The following PTK2 variants were observed in gnomAD, a reference collection of about 807,000 sequenced individuals.
PTK2 encodes the protein focal adhesion kinase 1.
PTK2 carries 45 observed loss-of-function variants against 150.1 expected under a neutral mutation model. The ratio of observed to expected loss-of-function variants is 0.30; its 90% CI spans 0.24 to 0.38. The LOEUF (loss-of-function observed/expected upper bound fraction) is 0.38, where lower values mean the gene tolerates loss of function less well. Among genes scored for constraint, PTK2 ranks in the 10% least tolerant of loss-of-function variants. The probability of loss-of-function intolerance (pLI) is 1.00; values close to 1 mark genes in which losing one functional copy is unlikely to be tolerated. For synonymous variants in PTK2, 432 were observed against 449.2 expected (o/e 0.96, Z 0.48); for missense variants, 919 against 1,307.3 (o/e 0.70, Z 4.58).
chr8:140,921,984 C>T (rs12678285), intron 2 of PTK2, among the ~76,000 whole-genome samples: 25,440 of 152,142 alleles, frequency 0.17, 2,519 homozygotes, highest in East Asian at 0.46. Flanking sequence ...CACACTGAGA[C>T]TCTACAGTTC....
chr8:140,930,989 T>C (rs2100171485), intron 1 of PTK2, among the ~76,000 whole-genome samples: 1 of 148,990 alleles, frequency 6.7e-6, no homozygotes, highest in South Asian at 2.1e-4. Context: ...CACAATTGCT[T>C]GAACCCAGAA....
At chr8:140,797,765 T>C (rs907636363) in intron 12 of PTK2, among the ~76,000 whole-genome samples, 8 of 152,176 alleles carry the variant, frequency 5.3e-5, no homozygotes. Flanking sequence ...TCCAGGACAA[T>C]TTGGCTTGTG....
intron 22 of PTK2, among the ~76,000 whole-genome samples, chr8:140,719,830 G>A (rs1215980080): frequency 7.0e-6 from 1 of 142,176 alleles, no homozygotes; most frequent in East Asian, 2.2e-4. Context: ...AGGCTGCAGT[G>A]AGCCAAGATA....
chr8:140,951,743 G>A (rs1464025242), intron 1 of PTK2, among the ~76,000 whole-genome samples: 3 of 151,948 alleles, frequency 2.0e-5, no homozygotes, highest in African/African-American at 4.8e-5. Context: ...AATTAGCCAC[G>A]CATGGTAGCA....
intron 4 of PTK2, among the ~76,000 whole-genome samples, chr8:140,877,276 T>C (rs1191603298): frequency 6.6e-6 from 1 of 152,036 alleles, no homozygotes; most frequent in Non-Finnish European, 1.5e-5. Context: ...TCAAGTGATT[T>C]GCCTGCCTCA....
chr8:140,810,747 GC>G (rs2100101022), intron 10 of PTK2, among the ~76,000 whole-genome samples: 1 of 152,190 alleles, frequency 6.6e-6, no homozygotes, highest in Non-Finnish European at 1.5e-5. Context: ...GAGCCAACCA[GC>G]CCTGTCCCCA....
intron 14 of PTK2, among the ~76,000 whole-genome samples, chr8:140,769,861 A>G (rs917613600): frequency 4.6e-5 from 7 of 152,386 alleles, no homozygotes; most frequent in Admixed American, 3.3e-4. Flanking sequence ...AAAGTATTAC[A>G]GAGTGTAAAC....
At chr8:140,755,421 C>G (rs1449738781) in intron 16 of PTK2, among the ~76,000 whole-genome samples, 1 of 152,176 alleles carries the variant, frequency 6.6e-6, no homozygotes, top group Non-Finnish European at 1.5e-5. Flanking sequence ...TCCTATCCCT[C>G]TACTCCGCGG....
intron 1 of PTK2, among the ~76,000 whole-genome samples, chr8:140,955,300 A>G (rs1199793302): frequency 1.3e-5 from 2 of 152,152 alleles, no homozygotes; most frequent in Non-Finnish European, 2.9e-5. Context: ...ATGATAGCAA[A>G]TAAGTCTCAC....
intron 2 of PTK2, among the ~76,000 whole-genome samples, chr8:140,912,835 A>G (rs1047522302): frequency 6.6e-6 from 1 of 152,020 alleles, no homozygotes; most frequent in Non-Finnish European, 1.5e-5. Flanking sequence ...AGTCCCAGTT[A>G]CTCGGGAGGC....
At chr8:140,671,114 C>G (rs1381566924) in intron 29 of PTK2, among the ~76,000 whole-genome samples, 1 of 152,130 alleles carries the variant, frequency 6.6e-6, no homozygotes, top group South Asian at 2.1e-4. Context: ...TAGGTTGATG[C>G]TTAAAGACTC....
chr8:140,831,328 G>A (rs568125551), intron 7 of PTK2, among the ~76,000 whole-genome samples: 1 of 152,072 alleles, frequency 6.6e-6, no homozygotes, highest in Admixed American at 6.5e-5. Context: ...ACGACATTAA[G>A]GAACGTCAGG....
intron 3 of PTK2, among the ~76,000 whole-genome samples, chr8:140,882,977 C>T (rs1196019160): frequency 6.6e-6 from 1 of 152,010 alleles, no homozygotes; most frequent in African/African-American, 2.4e-5. Flanking sequence ...AAAAAACTTC[C>T]ACAGGTATTT....
At chr8:140,677,998 AAGG>A (rs67127940) in intron 27 of PTK2, among the ~76,000 whole-genome samples, 58,624 of 151,908 alleles carry the variant, frequency 0.39, 12,630 homozygotes, top group Non-Finnish European at 0.49. Context: ...CCCACAAAGA[AAGG>A]AGATGGCTGG....
At chr8:140,664,259 G>C (rs1474461012) in intron 31 of PTK2, among the ~76,000 whole-genome samples, 1 of 152,218 alleles carries the variant, frequency 6.6e-6, no homozygotes, top group African/African-American at 2.4e-5. Context: ...TCAGATTACA[G>C]GCGTGAGCCA....
intron 7 of PTK2, among the ~76,000 whole-genome samples, chr8:140,844,234 A>G (rs1432751456): frequency 2.6e-5 from 4 of 152,152 alleles, no homozygotes; most frequent in African/African-American, 9.7e-5. Context: ...CCACCTGGCT[A>G]AGGTCATGCC....
At chr8:140,803,411 C>G in intron 11 of PTK2, 132 bp downstream of exon 11, 1 of 716,700 alleles carries the variant, frequency 1.4e-6, no homozygotes. Context: ...CTAATGTAAC[C>G]CTTTCTATAT....
intron 1 of PTK2, among the ~76,000 whole-genome samples, chr8:140,927,941 AAAAAAAAAAAAAAAAAG>A (rs1389085278): frequency 4.9e-4 from 32 of 65,334 alleles, no homozygotes; most frequent in African/African-American, 1.6e-3. Context: ...TCTCAAAAAG[AAAAAAAAAAAAAAAAAG>A]AAAAAAAAAA....
At chr8:140,805,331 C>T (rs904895734) in intron 10 of PTK2, among the ~76,000 whole-genome samples, 1 of 152,008 alleles carries the variant, frequency 6.6e-6, no homozygotes, top group African/African-American at 2.4e-5. Flanking sequence ...TAGGATGAGG[C>T]GGGTGGATCA....
Sources: gnomAD v4.1 joint callset for allele counts (sites outside exome capture counted in the v4.1 genomes callset) on GRCh38, gnomAD v4.1.1 for gene constraint, MANE v1.5 for transcripts, NCBI Gene and HGNC (gene_info 2026-07-23, HGNC 2026-07-21) for gene names.